AKAP9: variants seen among roughly 807,000 people sequenced by gnomAD.
The protein encoded by AKAP9 is A-kinase anchor protein 9.
Under a neutral mutation model 488.5 loss-of-function variants are expected in AKAP9, and 311 were observed. The observed-to-expected ratio is 0.64, with a 90% confidence interval of 0.58 to 0.70. The LOEUF is 0.70. AKAP9 is among the 30% of genes least tolerant of loss of function. AKAP9 has a pLI of 0.00. For missense variants in AKAP9, 4,215 were observed against 4,374.5 expected, an observed-to-expected ratio of 0.96 and a Z score of 1.03; for synonymous variants, 1,462 against 1,483.5, an observed-to-expected ratio of 0.99 and a Z score of 0.33.
At position 92,042,783 on chromosome 7, in the gene AKAP9, G is replaced by A. The variant is rs766060653; in HGVS notation, c.5162+12G>A. ...TTGTCTAATGAAAGGTATACAAAATGTGTACTTTTTCAGTGCAAAGTAAAT... is the reference window on the plus strand; with the variant it reads ...TTGTCTAATGAAAGGTATACAAAATATGTACTTTTTCAGTGCAAAGTAAAT... On this transcript the variant is annotated intron_variant, in intron 20 of 49. Coordinates refer to ENST00000356239, the MANE Select transcript of AKAP9 (RefSeq NM_005751.5). 4 of 1,561,012 alleles carry A rather than the reference G, an allele frequency of 2.6e-6. No individual in the cohort carries two copies. In the Admixed American group the frequency reaches 5.0e-5, roughly 20 times the overall value.
In AKAP9 at chr7:92,015,235, T is replaced by C. The variant is rs570162200; in HGVS notation, c.3613-894T>C. Among the ~76,000 whole-genome samples the C allele has an allele frequency of 5.3e-5, 8 of 152,296 alleles. No individual in the cohort carries two copies. The East Asian group carries it at 1.3e-3, about 26-fold the overall frequency. On this transcript the variant is annotated intron_variant, in intron 10 of 49. Coordinates refer to ENST00000356239, the MANE Select transcript of AKAP9 (RefSeq NM_005751.5). ...TATTTGAGAGCTTATCAAATGATAATGGGACATGTATTGTTTTAAATGATG... is the reference window on the plus strand; with the variant it reads ...TATTTGAGAGCTTATCAAATGATAACGGGACATGTATTGTTTTAAATGATG...
intron 2 of AKAP9, among the ~76,000 whole-genome samples, chr7:91,979,547 C>T (rs1646274777): frequency 6.6e-6 from 1 of 152,158 alleles, no homozygotes; most frequent in African/African-American, 2.4e-5. Context: ...CCAGTGGAGA[C>T]CTGAAACCAC....
intron 37 of AKAP9, among the ~76,000 whole-genome samples, chr7:92,086,699 A>G (rs1183963249): frequency 6.6e-6 from 1 of 152,232 alleles, no homozygotes; most frequent in Non-Finnish European, 1.5e-5. Context: ...GTTATGTTCC[A>G]TAAAGTTGCT....
intron 26 of AKAP9, among the ~76,000 whole-genome samples, chr7:92,068,278 A>G (rs1449609985): frequency 1.3e-5 from 2 of 149,270 alleles, no homozygotes; most frequent in Non-Finnish European, 3.0e-5. Context: ...AGACAGGAGA[A>G]TGGCATGAAT....
Position 92,001,805 on chromosome 7 carries a change from C to A in AKAP9, c.1888C>A (p.Leu630Ile). 1.2e-6 allele frequency: 2 copies of A among 1,613,404 alleles called. No homozygotes were observed. Among genetic ancestry groups the A allele is most frequent in the Non-Finnish European group, 1.7e-6 (2 of 1,179,638 alleles). Residue 630 changes from leucine (L) to isoleucine (I), a missense_variant, in exon 8 of 50, where the codon CTA (leucine) becomes ATA (isoleucine). Physicochemically the swap from Leu to Ile is conservative, Grantham distance 5. Transcript: ENST00000356239. ...ATTAGAGAGGCTGAGAACACAGCTT[C>A]TATTTAGTCACGAAGAAGAGCTTTC... ...AELERLRTQLLFSHEEELSKL... is the reference protein window; with the variant it reads ...AELERLRTQLIFSHEEELSKL...
chr7:92,012,069 C>T (rs1584106176), intron 8 of AKAP9, among the ~76,000 whole-genome samples: 2 of 152,182 alleles, frequency 1.3e-5, no homozygotes, highest in South Asian at 4.1e-4. Context: ...CCACTGTACT[C>T]CAGCCTGGGT....
chr7:92,058,834 A>G (rs1455538797), intron 22 of AKAP9, among the ~76,000 whole-genome samples: 3 of 152,016 alleles, frequency 2.0e-5, no homozygotes, highest in Non-Finnish European at 2.9e-5. Context: ...CAGTCCAGGA[A>G]AAAAGGAAGC....
chr7:91,996,373 T>C (rs1231011617), intron 7 of AKAP9, among the ~76,000 whole-genome samples: 1 of 152,192 alleles, frequency 6.6e-6, no homozygotes, highest in Non-Finnish European at 1.5e-5. Flanking sequence ...ATTCTTTTTC[T>C]TTATTTTTTA....
At chr7:91,986,210 G>T (rs886311973) in intron 3 of AKAP9, among the ~76,000 whole-genome samples, 1 of 152,204 alleles carries the variant, frequency 6.6e-6, no homozygotes, top group African/African-American at 2.4e-5. Context: ...AGCCAGGCAC[G>T]GGAGAGAATC....
chr7:91,981,646 G>A (rs1796425940), intron 3 of AKAP9, among the ~76,000 whole-genome samples: 1 of 121,184 alleles, frequency 8.3e-6, no homozygotes, highest in South Asian at 2.6e-4. Flanking sequence ...GTCTCACTCT[G>A]TTGCCCAGAC....
intron 1 of AKAP9, among the ~76,000 whole-genome samples, chr7:91,961,841 C>G (rs569416124): frequency 6.7e-6 from 1 of 150,094 alleles, no homozygotes; most frequent in Non-Finnish European, 1.5e-5. Context: ...GAGACTCCGT[C>G]TCAAAAAAAA....
At chr7:92,092,891 C>T (rs183732704) in intron 38 of AKAP9, 2 of 510,686 alleles carry the variant, frequency 3.9e-6, no homozygotes, top group Non-Finnish European at 7.0e-6. Flanking sequence ...AAGCAGTCCT[C>T]CCTCCCACCT....
intron 22 of AKAP9, 133 bp from the exon 23 acceptor site, chr7:92,061,127 C>A: frequency 9.7e-7 from 1 of 1,029,484 alleles, no homozygotes; most frequent in Non-Finnish European, 1.4e-6. Flanking sequence ...CATACACTGG[C>A]AATATCTAAA....
At chr7:92,048,480 G>A (rs376452863) in intron 21 of AKAP9, among the ~76,000 whole-genome samples, 6 of 152,160 alleles carry the variant, frequency 3.9e-5, no homozygotes, top group African/African-American at 1.2e-4. Context: ...TCCCCAGGTT[G>A]TGTTGAAAAA....
At chr7:92,028,263 C>G (rs1215750097) in intron 14 of AKAP9, among the ~76,000 whole-genome samples, 1 of 138,316 alleles carries the variant, frequency 7.2e-6, no homozygotes, top group African/African-American at 2.7e-5. Context: ...ATCCCCCTCT[C>G]TGAGAAACAC....
chr7:92,018,831 T>A (rs951424090), intron 12 of AKAP9, among the ~76,000 whole-genome samples: 1 of 152,234 alleles, frequency 6.6e-6, no homozygotes, highest in Non-Finnish European at 1.5e-5. Flanking sequence ...TCAGTCCTTC[T>A]GAGCTGCAGA....
At chr7:92,096,220 C>G (rs146775169) in intron 40 of AKAP9, among the ~76,000 whole-genome samples, 1 of 151,952 alleles carries the variant, frequency 6.6e-6, no homozygotes, top group East Asian at 1.9e-4. Context: ...TGATTATGCA[C>G]TAACTACTGA....
chr7:92,052,176 C>T (rs1374792715), intron 21 of AKAP9, among the ~76,000 whole-genome samples: 1 of 152,144 alleles, frequency 6.6e-6, no homozygotes, highest in Non-Finnish European at 1.5e-5. Flanking sequence ...AAAAGTTAGT[C>T]ATCACCAGAT....
chr7:92,007,319 G>A (rs1389408291), intron 8 of AKAP9, among the ~76,000 whole-genome samples: 14 of 103,672 alleles, frequency 1.4e-4, no homozygotes, highest in Non-Finnish European at 2.1e-4. Context: ...TTGAGACAGA[G>A]TCTCACTCTG....
Sources: gnomAD v4.1 joint callset for allele counts (sites outside exome capture counted in the v4.1 genomes callset) on GRCh38, gnomAD v4.1.1 for gene constraint, MANE v1.5 for transcripts, NCBI Gene and HGNC (gene_info 2026-07-23, HGNC 2026-07-21) for gene names.